ME1: variants seen among roughly 807,000 people sequenced by gnomAD.
ME1 encodes the protein malic enzyme 1.
In ME1, 74 loss-of-function variants were observed where a neutral mutation model predicts 66.4. That is an observed-to-expected ratio of 1.11 (90% confidence interval 0.92 to 1.35). The LOEUF (loss-of-function observed/expected upper bound fraction) is 1.35, where lower values mean the gene tolerates loss of function less well. Ranked by LOEUF, ME1 falls within the 40% of genes most tolerant of loss-of-function variation. The probability of loss-of-function intolerance (pLI) is 0.00; values close to 1 mark genes in which losing one functional copy is unlikely to be tolerated. For synonymous variants in ME1, 251 were observed against 235.6 expected (o/e 1.07, Z -0.60); for missense variants, 750 against 694.1 (o/e 1.08, Z -0.90).
intron 10 of ME1, among the ~76,000 whole-genome samples, chr6:83,228,355 C>T (rs566994349): frequency 3.9e-5 from 6 of 152,254 alleles, no homozygotes; most frequent in African/African-American, 1.4e-4. Flanking sequence ...CTGGATAATT[C>T]CTTGTCGCAG....
intron 3 of ME1, among the ~76,000 whole-genome samples, chr6:83,380,226 C>T (rs1048347654): frequency 7.9e-5 from 12 of 151,888 alleles, no homozygotes; most frequent in Non-Finnish European, 1.2e-4. Context: ...CAGGGGATTT[C>T]GAGGGCATTC....
rs751394430 is a variant in ME1, at chr6:83,398,519, G to A, written c.213-3C>T. 2.7e-6 allele frequency: 4 copies of A among 1,492,820 alleles called. No individual in the cohort carries two copies. The highest frequency in any genetic ancestry group is 2.7e-6 in the Non-Finnish European group (3 of 1,099,764). 92.5% of individuals were successfully genotyped at this position (1,492,820 alleles called of 1,614,324 possible). On this transcript the variant is annotated splice_polypyrimidine_tract_variant and splice_region_variant and intron_variant, in intron 2 of 13. Coordinates refer to ENST00000369705, the MANE Select transcript of ME1 (RefSeq NM_002395.6). ...GGAGATCCATTAAGAGAAGATACCT[G>A]TAAAAATTGGACATAATTAGATCTA...
chr6:83,269,561 C>T (rs1016359453), intron 6 of ME1, among the ~76,000 whole-genome samples: 1 of 152,048 alleles, frequency 6.6e-6, no homozygotes, highest in Admixed American at 6.6e-5. Context: ...GTCTAATTGG[C>T]TTTCCCTCCT....
At chr6:83,407,731 A>G in intron 2 of ME1, 37 bp downstream of exon 2, 8 of 1,529,916 alleles carry the variant, frequency 5.2e-6, no homozygotes, top group Non-Finnish European at 7.0e-6. Flanking sequence ...ACAACTGCAT[A>G]AGAGAAATAT....
At chr6:83,234,999 G>C (rs747255467) in intron 9 of ME1, among the ~76,000 whole-genome samples, 2 of 152,112 alleles carry the variant, frequency 1.3e-5, no homozygotes, top group Non-Finnish European at 1.5e-5. Context: ...GAGATGAAAG[G>C]CATCATCTTT....
Position 83,343,012 on chromosome 6 carries a change from T to C in ME1, c.600+3161A>G, listed in dbSNP as rs140526285. 7.5e-3 allele frequency among the ~76,000 whole-genome samples: 1,145 copies of C among 152,296 alleles called. 12 individuals carry two copies. Among genetic ancestry groups the C allele is most frequent in the African/African-American group, 0.026 (1,069 of 41,562 alleles). ...TTGCGTTATCATTTCTATGTGTTGG[T>C]AGCATTTCAAGTCTTCTCTTCTAGC... On this transcript the variant is annotated intron_variant, in intron 5 of 13. Transcript: ENST00000369705.
chr6:83,416,105 T>A lies in ME1; in HGVS notation c.79-8204A>T, dbSNP rs1770154990. On this transcript the variant is annotated intron_variant, in intron 1 of 13. Coordinates refer to ENST00000369705, the MANE Select transcript of ME1 (RefSeq NM_002395.6). ...TGATTTTGAGCAAATATTTAAGGTG[T>A]TAAGGGTTAAATGGAGATTTGCCTC... is the stretch of plus-strand genomic sequence containing the variant. Among the ~76,000 whole-genome samples the A allele has an allele frequency of 1.3e-5, 2 of 152,152 alleles. 1 individual carries two copies. The highest frequency in any genetic ancestry group is 4.8e-5 in the African/African-American group (2 of 41,404).
At chr6:83,283,462 C>T (rs2128533522) in intron 6 of ME1, among the ~76,000 whole-genome samples, 1 of 151,838 alleles carries the variant, frequency 6.6e-6, no homozygotes, top group East Asian at 1.9e-4. Context: ...AGGACAAATA[C>T]CTAATGCATC....
intron 2 of ME1, among the ~76,000 whole-genome samples, chr6:83,398,759 C>T (rs1433642931): frequency 6.6e-6 from 1 of 152,072 alleles, no homozygotes; most frequent in African/African-American, 2.4e-5. Context: ...ATCACAAGAT[C>T]AGGAGTTCAA....
intron 6 of ME1, among the ~76,000 whole-genome samples, chr6:83,301,056 GGA>G (rs2128536692): frequency 6.6e-6 from 1 of 152,204 alleles, no homozygotes; most frequent in African/African-American, 2.4e-5. Context: ...TGGGATGGGG[GGA>G]GTGGGGAGGG....
intron 6 of ME1, among the ~76,000 whole-genome samples, chr6:83,302,608 G>A (rs1767748091): frequency 6.6e-6 from 1 of 152,078 alleles, no homozygotes; most frequent in Non-Finnish European, 1.5e-5. Flanking sequence ...TGCTATTTTG[G>A]TGTATCCATG....
chr6:83,369,786 A>G (rs1769163921), intron 3 of ME1, among the ~76,000 whole-genome samples: 1 of 152,178 alleles, frequency 6.6e-6, no homozygotes, highest in Admixed American at 6.6e-5. Flanking sequence ...AGGAAGGAAT[A>G]TATTCTTTCT....
intron 12 of ME1, among the ~76,000 whole-genome samples, chr6:83,219,092 A>T (rs1790042057): frequency 6.6e-6 from 1 of 152,236 alleles, no homozygotes; most frequent in Non-Finnish European, 1.5e-5. Context: ...TAAGAGAAAC[A>T]AGAGGGAGAG....
chr6:83,357,923 CTCTCTCTCTCTCTATATA>C (rs1193545692), intron 3 of ME1, among the ~76,000 whole-genome samples: 12 of 57,046 alleles, frequency 2.1e-4, no homozygotes, highest in Non-Finnish European at 4.3e-4. Context: ...CTCTCTCTCT[CTCTCTCTCTCTCTATATA>C]TATATATATA....
intron 2 of ME1, among the ~76,000 whole-genome samples, chr6:83,405,710 G>T (rs61621520): frequency 0.028 from 3,888 of 137,874 alleles, 161 homozygotes; most frequent in East Asian, 0.16. Flanking sequence ...AGTTTTTTTT[G>T]TTGTTGTTGT....
chr6:83,301,434 C>T (rs185934891), intron 6 of ME1, among the ~76,000 whole-genome samples: 74 of 152,096 alleles, frequency 4.9e-4, no homozygotes, highest in African/African-American at 1.7e-3. Context: ...CTTCTGCCTC[C>T]TGAGTTCAAG....
chr6:83,412,201 T>C (rs943800868), intron 1 of ME1, among the ~76,000 whole-genome samples: 1 of 152,146 alleles, frequency 6.6e-6, no homozygotes, highest in Non-Finnish European at 1.5e-5. Context: ...GAATGACTTT[T>C]TTTCCCTGAA....
At chr6:83,406,557 T>A (rs1286120723) in intron 2 of ME1, among the ~76,000 whole-genome samples, 2 of 152,156 alleles carry the variant, frequency 1.3e-5, no homozygotes, top group Admixed American at 6.5e-5. Context: ...CCCAAAGTCC[T>A]CACCTCCAAA....
chr6:83,217,060 T>A (rs1405477762), intron 12 of ME1, among the ~76,000 whole-genome samples: 1 of 152,212 alleles, frequency 6.6e-6, no homozygotes, highest in Admixed American at 6.5e-5. Flanking sequence ...GAAAGCTAGT[T>A]CAGAGTCTCA....
Sources: allele counts gnomAD v4.1 joint callset (sites outside exome capture counted in the v4.1 genomes callset), GRCh38; gene constraint gnomAD v4.1.1; transcripts MANE v1.5; gene names NCBI Gene and HGNC (gene_info 2026-07-23, HGNC 2026-07-21).